DPH6: variants seen among roughly 807,000 people sequenced by gnomAD.
DPH6 encodes the protein diphthamine biosynthesis 6, also known as diphthine--ammonia ligase.
In DPH6, 33 loss-of-function variants were observed where a neutral mutation model predicts 38.2. The ratio of observed to expected loss-of-function variants is 0.86; its 90% CI spans 0.65 to 1.15. The LOEUF is 1.15. Ranked by LOEUF, DPH6 falls within the 50% of genes most tolerant of loss-of-function variation. The pLI, the probability that DPH6 is intolerant of heterozygous loss-of-function variation, is 0.00. For missense variants in DPH6, 325 were observed against 320.0 expected, an observed-to-expected ratio of 1.02 and a Z score of -0.12; for synonymous variants, 108 against 103.0, an observed-to-expected ratio of 1.05 and a Z score of -0.30.
At chr15:35,360,848 C>A (rs975984879) in intron 3 of DPH6, among the ~76,000 whole-genome samples, 4 of 151,968 alleles carry the variant, frequency 2.6e-5, no homozygotes, top group African/African-American at 9.7e-5. Flanking sequence ...CAGTTAAGGG[C>A]CACTTTAGTG....
chr15:35,541,716 T>A (rs2055255854), intron 2 of DPH6, among the ~76,000 whole-genome samples: 1 of 152,178 alleles, frequency 6.6e-6, no homozygotes, highest in Non-Finnish European at 1.5e-5. Flanking sequence ...TTTTAGCAGT[T>A]AATATCTGTA....
chr15:35,468,192 A>T (rs2054151566), intron 3 of DPH6, among the ~76,000 whole-genome samples: 1 of 152,222 alleles, frequency 6.6e-6, no homozygotes, highest in Non-Finnish European at 1.5e-5. Context: ...TCTTTACTCT[A>T]TGCATTATCT....
intron 3 of DPH6, among the ~76,000 whole-genome samples, chr15:35,286,860 T>C (rs1177174221): frequency 1.3e-5 from 2 of 152,228 alleles, no homozygotes; most frequent in South Asian, 2.1e-4. Context: ...AAGAGTATTA[T>C]GGCTTTGCTA....
chr15:35,472,906 A>T (rs937598447), intron 3 of DPH6, among the ~76,000 whole-genome samples: 2 of 86,216 alleles, frequency 2.3e-5, no homozygotes, highest in African/African-American at 3.5e-4. Context: ...GATGTAGTTA[A>T]AAAAAAAAAA....
At chr15:35,162,787 C>A in the DPH6 span, among the ~76,000 whole-genome samples, 56 of 151,914 alleles carry the variant, frequency 3.7e-4, no homozygotes, top group African/African-American at 1.2e-3. Flanking sequence ...TCTCTAGATA[C>A]GTGTTAGATG....
chr15:35,543,385 A>G (rs974506515), intron 1 of DPH6, among the ~76,000 whole-genome samples: 1 of 150,744 alleles, frequency 6.6e-6, no homozygotes, highest in Non-Finnish European at 1.5e-5. Context: ...AAATCTACCT[A>G]AGGCAGACGC....
the DPH6 span, among the ~76,000 whole-genome samples, chr15:35,196,004 A>G: frequency 1.4e-4 from 21 of 152,260 alleles, 3 homozygotes; most frequent in East Asian, 5.8e-4. Flanking sequence ...ACTGTAGTAG[A>G]TGGTATATAT....
chr15:35,439,769 G>C (rs953144180), intron 5 of DPH6, among the ~76,000 whole-genome samples: 1 of 151,544 alleles, frequency 6.6e-6, no homozygotes, highest in African/African-American at 2.4e-5. Context: ...CCATGGCAGG[G>C]CTTGGCTTTA....
chr15:35,378,716 A>G (rs1418776763), intron 7 of DPH6, among the ~76,000 whole-genome samples: 1 of 152,100 alleles, frequency 6.6e-6, no homozygotes, highest in Admixed American at 6.5e-5. Context: ...TCAGCAAACT[A>G]TCACAAAAAC....
At chr15:35,355,492 A>G (rs1204768594) in intron 3 of DPH6, among the ~76,000 whole-genome samples, 2 of 152,146 alleles carry the variant, frequency 1.3e-5, no homozygotes, top group Admixed American at 1.3e-4. Flanking sequence ...TGGTGACAAA[A>G]TCTCTCAGCC....
At chr15:35,370,547 A>G (rs1170027538), downstream of DPH6, among the ~76,000 whole-genome samples, 5 of 151,838 alleles carry the variant, frequency 3.3e-5, no homozygotes. Flanking sequence ...ACATCTCACC[A>G]AAGGAGATAC....
At chr15:35,474,412 C>T (rs1167725432) in intron 3 of DPH6, among the ~76,000 whole-genome samples, 1 of 152,154 alleles carries the variant, frequency 6.6e-6, no homozygotes, top group African/African-American at 2.4e-5. Flanking sequence ...ACATTCTTCA[C>T]TCTTTTTTGC....
chr15:35,231,866 C>T (rs1290523988), intron 3 of DPH6, among the ~76,000 whole-genome samples: 1 of 152,110 alleles, frequency 6.6e-6, no homozygotes, highest in Non-Finnish European at 1.5e-5. Context: ...ACAATTCAAT[C>T]TCATGATCTC....
chr15:35,170,564 C>T, the DPH6 span, among the ~76,000 whole-genome samples: 2 of 152,220 alleles, frequency 1.3e-5, no homozygotes, highest in African/African-American at 2.4e-5. Flanking sequence ...GTACTAAGTA[C>T]CTATTCACTA....
At chr15:35,510,979 G>T (rs1165065785) in intron 3 of DPH6, among the ~76,000 whole-genome samples, 1 of 152,118 alleles carries the variant, frequency 6.6e-6, no homozygotes, top group East Asian at 1.9e-4. Context: ...AAATATTCCT[G>T]TTCTAAATAA....
At chr15:35,346,697 G>T (rs541317227) in intron 3 of DPH6, among the ~76,000 whole-genome samples, 1 of 152,014 alleles carries the variant, frequency 6.6e-6, no homozygotes, top group South Asian at 2.1e-4. Context: ...CTTCTTAAGA[G>T]GAATGCTTAG....
chr15:35,155,612 G>T, the DPH6 span, among the ~76,000 whole-genome samples: 2 of 152,194 alleles, frequency 1.3e-5, no homozygotes, highest in Non-Finnish European at 2.9e-5. Flanking sequence ...CCACAGGCTT[G>T]GCTGTCCTTA....
chr15:35,464,040 A>C (rs756702965), intron 3 of DPH6, among the ~76,000 whole-genome samples: 2 of 152,236 alleles, frequency 1.3e-5, no homozygotes, highest in African/African-American at 2.4e-5. Flanking sequence ...TCACACATGT[A>C]ATCTCAGCAC....
the DPH6 span, among the ~76,000 whole-genome samples, chr15:35,186,208 T>C: frequency 3.3e-5 from 5 of 152,106 alleles, no homozygotes; most frequent in African/African-American, 1.2e-4. Flanking sequence ...ACCTCCTAAA[T>C]TGGAAGAAAG....
Sources: allele counts gnomAD v4.1 joint callset (sites outside exome capture counted in the v4.1 genomes callset), GRCh38; gene constraint gnomAD v4.1.1; transcripts MANE v1.5; gene names NCBI Gene and HGNC (gene_info 2026-07-23, HGNC 2026-07-21).